AZIN1: variants seen among roughly 807,000 people sequenced by gnomAD.
AZIN1 encodes ornithine decarboxylase antizyme inhibitor.
A neutral mutation model predicts 47.4 loss-of-function variants in AZIN1; 12 were observed. The ratio of observed to expected loss-of-function variants is 0.25; its 90% CI spans 0.16 to 0.41. AZIN1 has a LOEUF of 0.41. Ranked by LOEUF, AZIN1 falls within the 10% of genes least tolerant of loss-of-function variation. AZIN1 has a pLI of 1.00. For synonymous variants in AZIN1, 155 were observed against 176.3 expected, an observed-to-expected ratio of 0.88 and a Z score of 0.96; for missense variants, 410 against 532.4, an observed-to-expected ratio of 0.77 and a Z score of 2.26.
chr8:102,863,023 C>T (rs1223661455), intron 1 of AZIN1, among the ~76,000 whole-genome samples: 1 of 152,262 alleles, frequency 6.6e-6, no homozygotes, highest in East Asian at 1.9e-4. Flanking sequence ...GCCATGGTGA[C>T]TAATCCTCAG....
intron 2 of AZIN1, among the ~76,000 whole-genome samples, chr8:102,845,747 T>C (rs1812529291): frequency 6.6e-6 from 1 of 152,210 alleles, no homozygotes; most frequent in South Asian, 2.1e-4. Context: ...CAGTTTTCAT[T>C]TATCTTACTA....
intron 2 of AZIN1, among the ~76,000 whole-genome samples, chr8:102,852,740 T>C (rs1050066825): frequency 1.3e-5 from 2 of 152,206 alleles, no homozygotes; most frequent in Admixed American, 1.3e-4. Flanking sequence ...TACTCATGCA[T>C]AATGTAAAAA....
intron 1 of AZIN1, among the ~76,000 whole-genome samples, chr8:102,861,807 C>T (rs538068321): frequency 2.8e-4 from 43 of 151,976 alleles, no homozygotes; most frequent in African/African-American, 9.9e-4. Context: ...CTCTGGGAGG[C>T]CGAGATGGGC....
chr8:102,835,042 G>T, intron 6 of AZIN1: 1 of 242,356 alleles, frequency 4.1e-6, no homozygotes, highest in Non-Finnish European at 8.0e-6. Context: ...TTATGTATAT[G>T]TGGCACTTTT....
At chr8:102,857,616 G>A (rs1271297938) in intron 2 of AZIN1, among the ~76,000 whole-genome samples, 1 of 151,756 alleles carries the variant, frequency 6.6e-6, no homozygotes, top group Non-Finnish European at 1.5e-5. Context: ...ATATATATAT[G>A]TATCTCTATC....
At position 102,849,932 on chromosome 8, in the gene AZIN1, A is replaced by C. The variant is rs376387573; in HGVS notation, c.-95-6185T>G. On this transcript the variant is annotated intron_variant, in intron 2 of 11. Transcript: ENST00000337198. The stretch of plus-strand genomic sequence containing the variant: ...CCTTTCATGAGGCCGCTGAGTCCTC[A>C]TGTTCATCGACAGGGTAGCTCCAAG... 2.0e-5 allele frequency: 3 copies of C among 152,330 alleles called. No individual in the cohort carries two copies. In the East Asian group the frequency reaches 5.8e-4, roughly 29 times the overall value. The allele number at this position is 152,330 out of a possible 1,614,324, so 9.4% of individuals were successfully genotyped here.
Position 102,834,093 on chromosome 8 carries a change from A to G in AZIN1, c.741+96T>C, listed in dbSNP as rs1293008831. ...ATTTTAAAGAGATGTTATAGGGTTT[A>G]GTTTCTGCCATTGTAAAAATCCTGC... On this transcript the variant is annotated intron_variant, in intron 8 of 11. Coordinates refer to ENST00000337198, the MANE Select transcript of AZIN1 (RefSeq NM_148174.4). The G allele has an allele frequency of 3.2e-6, 3 of 936,864 alleles. No individual in the cohort carries two copies. The East Asian group carries it at 7.3e-5, about 23-fold the overall frequency. The allele number at this position is 936,864 out of a possible 1,614,324, so 58.0% of individuals were successfully genotyped here. A position where few individuals can be genotyped will look rare whatever the true frequency, so the allele number is the denominator to read the frequency against.
chr8:102,862,656 T>G (rs1486347852), intron 1 of AZIN1, among the ~76,000 whole-genome samples: 1 of 152,256 alleles, frequency 6.6e-6, no homozygotes, highest in East Asian at 1.9e-4. Flanking sequence ...TTGATGCACC[T>G]CTACATCAAC....
At chr8:102,834,910 G>A (rs1422546930) in intron 6 of AZIN1, 163 bp from the exon 7 acceptor site, 2 of 555,342 alleles carry the variant, frequency 3.6e-6, no homozygotes, top group African/African-American at 3.8e-5. Context: ...TTACCCAAAA[G>A]TTACAGTACC....
Position 102,830,113 on chromosome 8 carries a change from C to T in AZIN1, c.905-177G>A, listed in dbSNP as rs569518076. The T allele has an allele frequency of 2.1e-5, 11 of 515,300 alleles. No homozygotes were observed. The South Asian group carries it at 2.1e-4, about 10-fold the overall frequency. 31.9% of individuals were successfully genotyped at this position (515,300 alleles called of 1,614,324 possible). Reference sequence around the variant, plus strand: ...GAAAAGAGTGCTCTAGGGCTGGATGCGGTGGCTCATACCTGTAATCCTAGC... The same window carrying T: ...GAAAAGAGTGCTCTAGGGCTGGATGTGGTGGCTCATACCTGTAATCCTAGC... On this transcript the variant is annotated intron_variant, in intron 9 of 11. Coordinates refer to ENST00000337198, the MANE Select transcript of AZIN1 (RefSeq NM_148174.4).
chr8:102,829,965 A>C (rs1811330166), intron 9 of AZIN1, 29 bp from the exon 10 acceptor site: 1 of 1,397,314 alleles, frequency 7.2e-7, no homozygotes, highest in Non-Finnish European at 1.0e-6. Context: ...GGGGAAAATG[A>C]ATTTTTAATA....
At chr8:102,862,089 G>A (rs1413371597) in intron 1 of AZIN1, among the ~76,000 whole-genome samples, 1 of 151,852 alleles carries the variant, frequency 6.6e-6, no homozygotes, top group African/African-American at 2.4e-5. Context: ...GATTTGAAAG[G>A]ACAAGAAAAA....
intron 1 of AZIN1, among the ~76,000 whole-genome samples, chr8:102,858,575 A>C (rs1813434649): frequency 6.6e-6 from 1 of 152,232 alleles, no homozygotes; most frequent in African/African-American, 2.4e-5. Flanking sequence ...ATGACCCAAT[A>C]GTTTGGAACC....
At chr8:102,855,061 TC>T (rs1813194991) in intron 2 of AZIN1, among the ~76,000 whole-genome samples, 1 of 152,150 alleles carries the variant, frequency 6.6e-6, no homozygotes, top group Non-Finnish European at 1.5e-5. Context: ...CTAGGGGATT[TC>T]TTTTTTTTTG....
chr8:102,862,078 C>CGATTT (rs1813705329), intron 1 of AZIN1, among the ~76,000 whole-genome samples: 3 of 151,010 alleles, frequency 2.0e-5, no homozygotes. Context: ...GACTGGAAGA[C>CGATTT]GATTTGAAAG....
chr8:102,856,198 T>C (rs1813283883), intron 2 of AZIN1: 1 of 151,952 alleles, frequency 6.6e-6, no homozygotes, highest in Admixed American at 6.6e-5. Flanking sequence ...AAAGGGATTG[T>C]GGACCTGTAG....
chr8:102,841,930 G>A (rs1234816845), intron 3 of AZIN1, among the ~76,000 whole-genome samples: 1 of 151,874 alleles, frequency 6.6e-6, no homozygotes, highest in African/African-American at 2.4e-5. Flanking sequence ...GGTCAACACG[G>A]TGAAACCCTG....
intron 2 of AZIN1, among the ~76,000 whole-genome samples, chr8:102,845,055 A>G (rs1052880262): frequency 2.6e-5 from 4 of 152,220 alleles, no homozygotes; most frequent in African/African-American, 9.6e-5. Flanking sequence ...TGCCACATTA[A>G]TAATGGCCAT....
chr8:102,834,968 C>T lies in AZIN1; in HGVS notation c.585-221G>A, dbSNP rs779121314. The T allele has an allele frequency of 1.6e-4, 78 of 488,160 alleles. No individual in the cohort carries two copies. In the Middle Eastern group the frequency reaches 2.1e-3, roughly 13 times the overall value. The allele number at this position is 488,160 out of a possible 1,614,324, so 30.2% of individuals were successfully genotyped here. Reference sequence around the variant, plus strand: ...CAAGATAAAACTGTAATTCTATAAACAAAAATTCTTAACAATAAGTCAATT... The same window carrying T: ...CAAGATAAAACTGTAATTCTATAAATAAAAATTCTTAACAATAAGTCAATT... On this transcript the variant is annotated intron_variant, in intron 6 of 11. Transcript: ENST00000337198.
Sources: gnomAD v4.1 joint callset for allele counts (sites outside exome capture counted in the v4.1 genomes callset) on GRCh38, gnomAD v4.1.1 for gene constraint, MANE v1.5 for transcripts, NCBI Gene and HGNC (gene_info 2026-07-23, HGNC 2026-07-21) for gene names.